GLRA3: variants seen among roughly 807,000 people sequenced by gnomAD.
The protein encoded by GLRA3 is glycine receptor subunit alpha-3.
In GLRA3, 44 loss-of-function variants were observed where a neutral mutation model predicts 60.4. That is an observed-to-expected ratio of 0.73 (90% confidence interval 0.57 to 0.94). The LOEUF (loss-of-function observed/expected upper bound fraction) is 0.94, where lower values mean the gene tolerates loss of function less well. Ranked by LOEUF, GLRA3 falls within the 40% of genes least tolerant of loss-of-function variation. The pLI, the probability that GLRA3 is intolerant of heterozygous loss-of-function variation, is 0.00. For synonymous variants in GLRA3, 223 were observed against 192.9 expected, an observed-to-expected ratio of 1.16 and a Z score of -1.29; for missense variants, 508 against 564.6, an observed-to-expected ratio of 0.90 and a Z score of 1.02.
intron 6 of GLRA3, among the ~76,000 whole-genome samples, chr4:174,681,227 G>T (rs887910204): frequency 6.6e-6 from 1 of 152,110 alleles, no homozygotes; most frequent in African/African-American, 2.4e-5. Context: ...AAGGAAGTAT[G>T]CAAACTTACT....
chr4:174,650,587 G>GC (rs1201881305), intron 9 of GLRA3, among the ~76,000 whole-genome samples: 2 of 152,078 alleles, frequency 1.3e-5, no homozygotes, highest in Non-Finnish European at 2.9e-5. Context: ...AATCTGAAAG[G>GC]CATCAGTCCA....
At chr4:174,775,695 G>T (rs1738570114) in intron 2 of GLRA3, among the ~76,000 whole-genome samples, 1 of 152,042 alleles carries the variant, frequency 6.6e-6, no homozygotes, top group Non-Finnish European at 1.5e-5. Flanking sequence ...ATAATGTTTT[G>T]TTGTCTTATA....
chr4:174,669,981 A>G (rs534754729), intron 7 of GLRA3, among the ~76,000 whole-genome samples: 2 of 152,248 alleles, frequency 1.3e-5, no homozygotes, highest in Non-Finnish European at 2.9e-5. Flanking sequence ...AGACAAGGAA[A>G]GTACAACCAA....
intron 3 of GLRA3, among the ~76,000 whole-genome samples, chr4:174,729,167 T>A (rs1736454371): frequency 6.6e-6 from 1 of 152,210 alleles, no homozygotes; most frequent in African/African-American, 2.4e-5. Context: ...ATTCAAATTT[T>A]ACTTTCTTGC....
chr4:174,818,566 C>G (rs1740603130), intron 1 of GLRA3, among the ~76,000 whole-genome samples: 1 of 152,114 alleles, frequency 6.6e-6, no homozygotes, highest in African/African-American at 2.4e-5. Flanking sequence ...ATGATTCTCA[C>G]TCTATTTAAG....
intron 3 of GLRA3, among the ~76,000 whole-genome samples, chr4:174,758,363 G>C (rs576468134): frequency 6.6e-6 from 1 of 152,174 alleles, no homozygotes; most frequent in South Asian, 2.1e-4. Context: ...AATGAGAGTG[G>C]TACTTTACTT....
intron 7 of GLRA3, among the ~76,000 whole-genome samples, chr4:174,669,640 A>G (rs2110926773): frequency 6.6e-6 from 1 of 152,258 alleles, no homozygotes; most frequent in African/African-American, 2.4e-5. Flanking sequence ...CAGTGGTGTA[A>G]TCATAACTCA....
chr4:174,789,429 T>C (rs1264433040), intron 1 of GLRA3, among the ~76,000 whole-genome samples: 1 of 152,220 alleles, frequency 6.6e-6, no homozygotes, highest in African/African-American at 2.4e-5. Flanking sequence ...TTTTCTTCAA[T>C]TAGAGTGCTT....
intron 2 of GLRA3, among the ~76,000 whole-genome samples, chr4:174,788,349 G>A (rs1242822778): frequency 6.6e-6 from 1 of 151,918 alleles, no homozygotes; most frequent in Non-Finnish European, 1.5e-5. Flanking sequence ...CATTTCAAAG[G>A]CTGTCAGTTA....
chr4:174,654,886 GA>G (rs948339349), intron 9 of GLRA3, among the ~76,000 whole-genome samples: 65 of 152,202 alleles, frequency 4.3e-4, no homozygotes, highest in Middle Eastern at 3.4e-3. Flanking sequence ...GTGGGGTGGG[GA>G]AATTTGGATA....
chr4:174,796,548 T>C (rs542479873), intron 1 of GLRA3, among the ~76,000 whole-genome samples: 84 of 152,182 alleles, frequency 5.5e-4, no homozygotes, highest in Middle Eastern at 6.8e-3. Flanking sequence ...TTCTTTCTTT[T>C]TTTTTTTTAG....
chr4:174,726,351 A>T (rs567993654), intron 4 of GLRA3, among the ~76,000 whole-genome samples: 1 of 152,226 alleles, frequency 6.6e-6, no homozygotes, highest in African/African-American at 2.4e-5. Flanking sequence ...GTGTGATGGT[A>T]CCTCAATACC....
At position 174,715,535 on chromosome 4, in the gene GLRA3, T is replaced by C. The variant is rs1397372727; in HGVS notation, c.527A>G (p.Lys176Arg). 7 of 1,559,048 alleles carry C rather than the reference T, an allele frequency of 4.5e-6. No homozygotes were observed. In the African/African-American group the frequency reaches 9.5e-5, roughly 21 times the overall value. ...TGTTTGTACATCCATGGGAAAATTC[T>C]TGAGATCCATTGGACAGGAAAGTGT... ...TLTLSCPMDL[K>R]NFPMDVQTCI... The change falls in exon 5 of 10, where the codon AAG becomes AGG. Residue 176 changes from lysine to arginine, a missense_variant. Physicochemically the swap from Lys to Arg is conservative, Grantham distance 26. Around this residue, in one of 3 missense-constraint regions of GLRA3, gnomAD observed 329 missense variants for 349.3 expected, o/e 0.94. Coordinates refer to ENST00000274093, the MANE Select transcript of GLRA3 (RefSeq NM_006529.4).
In GLRA3 at chr4:174,642,218, G is replaced by T. The variant is rs929644578; in HGVS notation, c.*1568C>A. The T allele has an allele frequency of 2.3e-6, 2 of 875,792 alleles. No individual in the cohort carries two copies. Among genetic ancestry groups the T allele is most frequent in the Non-Finnish European group, 2.7e-6 (2 of 730,124 alleles). 54.3% of individuals were successfully genotyped at this position (875,792 alleles called of 1,614,324 possible). On this transcript the variant is annotated 3_prime_UTR_variant, in exon 10 of 10. Transcript: ENST00000274093. ...GCTGATGTACAATAACATTGTAAAG[G>T]TTTTAGTTTTAAATGGTAGTTTTTG...
In GLRA3 at chr4:174,741,830, C is replaced by A. The variant is rs182255228; in HGVS notation, c.268-13132G>T. On this transcript the variant is annotated intron_variant, in intron 3 of 9. Transcript: ENST00000274093. ...GCATAGTTGACAAATTATTCCAACA[C>A]TATTTGTTGAAAAGATTAGAATGCT... Among the ~76,000 whole-genome samples, 957 of 152,182 alleles carry A rather than the reference C, an allele frequency of 6.3e-3. 7 individuals are homozygous for A. Among genetic ancestry groups the A allele is most frequent in the Admixed American group, 0.011 (167 of 15,286 alleles).
At chr4:174,668,914 A>T (rs1473762260) in intron 7 of GLRA3, among the ~76,000 whole-genome samples, 1 of 152,144 alleles carries the variant, frequency 6.6e-6, no homozygotes, top group African/African-American at 2.4e-5. Flanking sequence ...TCTTCCTTTA[A>T]TAACATTCAA....
chr4:174,797,839 A>G (rs9993989), intron 1 of GLRA3, among the ~76,000 whole-genome samples: 120,326 of 151,658 alleles, frequency 0.79, 48,481 homozygotes, highest in African/African-American at 0.89. Context: ...CAGGAGAATC[A>G]CCTGATCCCT....
chr4:174,685,988 T>C (rs904681728), intron 5 of GLRA3, among the ~76,000 whole-genome samples: 1 of 152,218 alleles, frequency 6.6e-6, no homozygotes, highest in Non-Finnish European at 1.5e-5. Context: ...AAGACAAGCT[T>C]TATTTAGTGG....
chr4:174,792,512 G>C (rs141062768), intron 1 of GLRA3, among the ~76,000 whole-genome samples: 1 of 152,186 alleles, frequency 6.6e-6, no homozygotes, highest in Non-Finnish European at 1.5e-5. Flanking sequence ...CTTCAACATA[G>C]GAGTGTTGGG....
Sources: allele counts gnomAD v4.1 joint callset (sites outside exome capture counted in the v4.1 genomes callset), GRCh38; gene constraint gnomAD v4.1.1; regional missense constraint gnomAD v4.1.1; transcripts MANE v1.5; gene names NCBI Gene and HGNC (gene_info 2026-07-23, HGNC 2026-07-21).